EHBP1: variants seen among roughly 807,000 people sequenced by gnomAD.
EHBP1 encodes the protein EH domain-binding protein 1.
Under a neutral mutation model 144.0 loss-of-function variants are expected in EHBP1, and 55 were observed. That is an observed-to-expected ratio of 0.38 (90% CI 0.31 to 0.48). The LOEUF is 0.48. EHBP1 is among the 20% of genes least tolerant of loss of function. EHBP1 has a pLI of 0.98. For synonymous variants in EHBP1, 469 were observed against 472.7 expected, an observed-to-expected ratio of 0.99 and a Z score of 0.10; for missense variants, 1,200 against 1,364.2, an observed-to-expected ratio of 0.88 and a Z score of 1.90.
At chr2:63,043,275 G>A (rs910103791) in intron 21 of EHBP1, among the ~76,000 whole-genome samples, 5 of 152,140 alleles carry the variant, frequency 3.3e-5, no homozygotes, top group African/African-American at 1.2e-4. Context: ...GATATATATG[G>A]CTGCTCTTCA....
At chr2:62,719,078 A>C (rs1307903812) in intron 2 of EHBP1, among the ~76,000 whole-genome samples, 1 of 149,914 alleles carries the variant, frequency 6.7e-6, no homozygotes, top group African/African-American at 2.5e-5. Flanking sequence ...GATGTCCCTC[A>C]TCTCAGCCTC....
At chr2:62,709,134 T>G (rs1572907422) in intron 2 of EHBP1, among the ~76,000 whole-genome samples, 1 of 152,264 alleles carries the variant, frequency 6.6e-6, no homozygotes, top group South Asian at 2.1e-4. Context: ...TTAGGGTAGC[T>G]GTTTTAATAA....
chr2:63,010,635 C>A lies in EHBP1; in HGVS notation c.3103+13869C>A, dbSNP rs1262723071. On this transcript the variant is annotated intron_variant, in intron 19 of 22. Transcript: ENST00000431489. Reference sequence around the variant, plus strand: ...AAAACATTTATTTAGGAAAATATAACACATTTTAATGTAGCAATTTGACAC... The same window carrying A: ...AAAACATTTATTTAGGAAAATATAAAACATTTTAATGTAGCAATTTGACAC... Among the ~76,000 whole-genome samples, 3 of 151,556 alleles carry A rather than the reference C, an allele frequency of 2.0e-5. No individual in the cohort carries two copies. In the East Asian group the frequency reaches 5.8e-4, roughly 29 times the overall value.
At chr2:63,028,583 T>G (rs2061089560) in intron 19 of EHBP1, among the ~76,000 whole-genome samples, 1 of 152,158 alleles carries the variant, frequency 6.6e-6, no homozygotes, top group East Asian at 1.9e-4. Flanking sequence ...GTAGAGACTT[T>G]AAGCAACACT....
intron 19 of EHBP1, among the ~76,000 whole-genome samples, chr2:63,028,226 C>G (rs1189282730): frequency 6.6e-6 from 1 of 152,060 alleles, no homozygotes; most frequent in African/African-American, 2.4e-5. Flanking sequence ...AATATATACG[C>G]TTTTTGTCAA....
intron 19 of EHBP1, among the ~76,000 whole-genome samples, chr2:63,032,411 A>G (rs1285165877): frequency 3.3e-5 from 5 of 151,658 alleles, no homozygotes; most frequent in African/African-American, 1.2e-4. Flanking sequence ...TACTGAAAAT[A>G]CAAAAAATTA....
At chr2:62,731,809 G>A (rs1013881165) in intron 2 of EHBP1, among the ~76,000 whole-genome samples, 5 of 152,010 alleles carry the variant, frequency 3.3e-5, no homozygotes, top group African/African-American at 1.2e-4. Context: ...AACCATTGTT[G>A]GATTTGATTT....
intron 12 of EHBP1, among the ~76,000 whole-genome samples, chr2:62,947,942 A>G (rs1178097718): frequency 6.6e-6 from 1 of 152,210 alleles, no homozygotes; most frequent in Non-Finnish European, 1.5e-5. Flanking sequence ...ATAAAGCTCA[A>G]TATGGATTAG....
At chr2:62,797,440 A>G (rs2043617665) in intron 5 of EHBP1, among the ~76,000 whole-genome samples, 1 of 152,242 alleles carries the variant, frequency 6.6e-6, no homozygotes, top group African/African-American at 2.4e-5. Flanking sequence ...CTTGCTAGAT[A>G]ATGTTCTCCA....
rs182861658 is a variant in EHBP1 at position 62,947,837 on chromosome 2, G to A, written c.1414-423G>A. ...TTGCATTTATTTGTATTTTATATCA[G>A]GTAATCTAGTAGTTCTTTTGACTTA... On this transcript the variant is annotated intron_variant, in intron 12 of 22. Coordinates refer to ENST00000431489, the MANE Select transcript of EHBP1 (RefSeq NM_001142616.3). Among the ~76,000 whole-genome samples the A allele has an allele frequency of 3.3e-5, 5 of 152,098 alleles. No individual in the cohort carries two copies. In the East Asian group the frequency reaches 5.8e-4, roughly 18 times the overall value.
chr2:63,027,900 C>G (rs937288646), intron 19 of EHBP1, among the ~76,000 whole-genome samples: 1 of 152,100 alleles, frequency 6.6e-6, no homozygotes, highest in African/African-American at 2.4e-5. Context: ...ATCTATTGTA[C>G]AACGTGGTGA....
rs1370852626 is a variant in EHBP1 at position 62,979,173 on chromosome 2, T to A, written c.2461-15T>A. The stretch of plus-strand genomic sequence containing the variant: ...CTGTCAATTACTGAGTTGGCAACTG[T>A]TCAATATATCTTAGCAGCAAGATGA... On this transcript the variant is annotated splice_polypyrimidine_tract_variant and intron_variant, in intron 14 of 22. Transcript: ENST00000431489. The A allele has an allele frequency of 3.1e-6, 5 of 1,606,318 alleles. No homozygotes were observed. Among genetic ancestry groups the A allele is most frequent in the South Asian group, 2.2e-5 (2 of 90,352 alleles).
intron 10 of EHBP1, among the ~76,000 whole-genome samples, chr2:62,910,304 T>C (rs1435720318): frequency 6.6e-6 from 1 of 152,184 alleles, no homozygotes; most frequent in Non-Finnish European, 1.5e-5. Flanking sequence ...AGTACTTCAA[T>C]TTTAATCCCA....
intron 10 of EHBP1, among the ~76,000 whole-genome samples, chr2:62,894,546 A>T (rs143770275): frequency 4.3e-4 from 66 of 152,322 alleles, no homozygotes; most frequent in African/African-American, 1.5e-3. Flanking sequence ...GGGCAAATGC[A>T]TTGAAGTATG....
intron 5 of EHBP1, among the ~76,000 whole-genome samples, chr2:62,793,949 T>C (rs1558680835): frequency 1.3e-5 from 2 of 152,108 alleles, no homozygotes; most frequent in African/African-American, 2.4e-5. Flanking sequence ...TTACTTGATA[T>C]AGTTTTGTAC....
intron 21 of EHBP1, chr2:63,043,920 CTTTTTTTTTTTTTTTTTTTTTTTT>C (rs70962802): frequency 1.2e-3 from 11 of 9,384 alleles, no homozygotes; most frequent in East Asian, 2.6e-3. Context: ...GGCCATGGTT[CTTTTTTTTTTTTTTTTTTTTTTTT>C]TTTTTTTTTT....
chr2:62,772,622 T>G (rs758467026), intron 5 of EHBP1, among the ~76,000 whole-genome samples: 3 of 152,256 alleles, frequency 2.0e-5, no homozygotes, highest in Admixed American at 6.5e-5. Context: ...ACAAGCTCTG[T>G]GATCACTGGG....
intron 19 of EHBP1, among the ~76,000 whole-genome samples, chr2:63,029,214 C>T (rs2061124867): frequency 6.6e-6 from 1 of 151,752 alleles, no homozygotes; most frequent in Non-Finnish European, 1.5e-5. Flanking sequence ...TTTTGTAGGC[C>T]ACAGTGACAC....
At chr2:62,888,007 T>C (rs1468453048) in intron 10 of EHBP1, among the ~76,000 whole-genome samples, 3 of 152,194 alleles carry the variant, frequency 2.0e-5, no homozygotes, top group Admixed American at 6.5e-5. Context: ...ATAGCACATA[T>C]GGTATCATTT....
Sources: allele counts gnomAD v4.1 joint callset (sites outside exome capture counted in the v4.1 genomes callset), GRCh38; gene constraint gnomAD v4.1.1; transcripts MANE v1.5; gene names NCBI Gene and HGNC (gene_info 2026-07-23, HGNC 2026-07-21).